RP1: variants seen among roughly 807,000 people sequenced by gnomAD.
RP1 encodes oxygen-regulated protein 1.
A neutral mutation model predicts 14.8 loss-of-function variants in RP1; 16 were observed. The ratio of observed to expected loss-of-function variants is 1.08; its 90% CI spans 0.73 to 1.65. The LOEUF (loss-of-function observed/expected upper bound fraction) is 1.65, where lower values mean the gene tolerates loss of function less well. Ranked by LOEUF, RP1 falls within the 40% of genes most tolerant of loss-of-function variation. RP1 has a pLI of 0.00. For missense variants in RP1, 2,631 were observed against 2,535.0 expected (o/e 1.04, Z -0.81); for synonymous variants, 876 against 883.6 (o/e 0.99, Z 0.15).
At chr8:54,568,625 C>T (rs908391578) in intron 1 of RP1, among the ~76,000 whole-genome samples, 4 of 152,228 alleles carry the variant, frequency 2.6e-5, no homozygotes, top group Non-Finnish European at 2.9e-5. Context: ...GACATTAAGA[C>T]GCTTGTGCTC....
intron 1 of RP1, among the ~76,000 whole-genome samples, chr8:54,562,158 C>T: frequency 6.6e-6 from 1 of 152,154 alleles, no homozygotes; most frequent in East Asian, 1.9e-4. Flanking sequence ...TGCTATTACT[C>T]AAATGATAAA....
At chr8:54,581,750 T>C (rs539983606) in intron 1 of RP1, among the ~76,000 whole-genome samples, 1 of 152,230 alleles carries the variant, frequency 6.6e-6, no homozygotes, top group Non-Finnish European at 1.5e-5. Flanking sequence ...ATTTCTCTGA[T>C]GGCCAGTGAT....
intron 24 of RP1, among the ~76,000 whole-genome samples, chr8:54,791,413 T>C (rs1360675776): frequency 2.6e-5 from 4 of 152,100 alleles, no homozygotes; most frequent in Non-Finnish European, 5.9e-5. Context: ...AAACTTGTTG[T>C]AAAAATAAAT....
At chr8:54,866,381 C>T (rs1172179338) in intron 28 of RP1, among the ~76,000 whole-genome samples, 1 of 152,018 alleles carries the variant, frequency 6.6e-6, no homozygotes, top group Non-Finnish European at 1.5e-5. Context: ...ACTAAAGTGG[C>T]GTAGATGTAA....
At chr8:54,819,820 C>G (rs1563386143) in intron 24 of RP1, among the ~76,000 whole-genome samples, 1 of 152,104 alleles carries the variant, frequency 6.6e-6, no homozygotes, top group African/African-American at 2.4e-5. Context: ...TCACTTTCCC[C>G]TAAACAGAAA....
chr8:54,827,418 C>T (rs1395682338), intron 24 of RP1, among the ~76,000 whole-genome samples: 1 of 151,950 alleles, frequency 6.6e-6, no homozygotes, highest in Non-Finnish European at 1.5e-5. Context: ...CCTCCACCTC[C>T]CAAGCTCAGG....
intron 1 of RP1, among the ~76,000 whole-genome samples, chr8:54,602,544 A>G (rs1304370336): frequency 6.6e-6 from 1 of 152,156 alleles, no homozygotes; most frequent in African/African-American, 2.4e-5. Context: ...TCCTTTGGGT[A>G]TATACCCAGT....
intron 1 of RP1, among the ~76,000 whole-genome samples, chr8:54,605,629 G>T (rs559818793): frequency 9.9e-5 from 15 of 152,284 alleles, no homozygotes; most frequent in African/African-American, 3.6e-4. Flanking sequence ...GTCTAATGCT[G>T]ACAGTGGGGT....
In RP1 at chr8:54,854,236, C is replaced by T. The variant is rs1812134327; in HGVS notation, c.3990+1508C>T. Among the ~76,000 whole-genome samples, 4 of 152,106 alleles carry T rather than the reference C, an allele frequency of 2.6e-5. No individual in the cohort carries two copies. In the South Asian group the frequency reaches 8.3e-4, roughly 32 times the overall value. On this transcript the variant is annotated intron_variant, in intron 26 of 28. Coordinates refer to the RP1 transcript ENST00000637698. ...GAAGAAAAACCAAGTGGAGGAATTA[C>T]AGTACCAGGTATCAAGACTTATGAA...
chr8:54,622,326 CCT>C, intron 3 of RP1, 38 bp downstream of exon 3: 2 of 1,606,048 alleles, frequency 1.2e-6, no homozygotes, highest in Non-Finnish European at 1.7e-6. Context: ...TATTTTTAGC[CCT>C]GAGATTTTTT....
intron 1 of RP1, among the ~76,000 whole-genome samples, chr8:54,618,060 C>G (rs1354744353): frequency 6.6e-6 from 1 of 152,208 alleles, no homozygotes; most frequent in African/African-American, 2.4e-5. Context: ...CAGAGATTCT[C>G]TCACACATAT....
chr8:54,602,880 G>A (rs1805325360), intron 1 of RP1, among the ~76,000 whole-genome samples: 1 of 152,072 alleles, frequency 6.6e-6, no homozygotes. Context: ...TTGTTGATGG[G>A]GTTGTTTGTT....
chr8:54,698,385 C>G (rs993743326), intron 12 of RP1, among the ~76,000 whole-genome samples: 14 of 152,140 alleles, frequency 9.2e-5, no homozygotes, highest in African/African-American at 3.4e-4. Context: ...TGTCAGGAAA[C>G]AACAGATACT....
chr8:54,719,824 C>G (rs1311982319), intron 15 of RP1, among the ~76,000 whole-genome samples: 2 of 152,116 alleles, frequency 1.3e-5, no homozygotes, highest in Non-Finnish European at 2.9e-5. Flanking sequence ...CTACATTCAC[C>G]CATAGAGGTG....
chr8:54,745,852 T>TTCATAG (rs1660770619), intron 19 of RP1, among the ~76,000 whole-genome samples: 1 of 152,176 alleles, frequency 6.6e-6, no homozygotes, highest in African/African-American at 2.4e-5. Flanking sequence ...TATCGACTCT[T>TTCATAG]TCATAGTACT....
intron 1 of RP1, among the ~76,000 whole-genome samples, chr8:54,586,397 G>A (rs1183709872): frequency 1.3e-5 from 2 of 152,248 alleles, no homozygotes; most frequent in Non-Finnish European, 2.9e-5. Context: ...TGAGGTGTCA[G>A]TCTGCCCCTA....
exon 21 of RP1, chr8:54,755,756 T>G: frequency 6.6e-7 from 1 of 1,525,798 alleles, no homozygotes; most frequent in Non-Finnish European, 8.8e-7. Flanking sequence ...GCAAGTAAAA[T>G]TTCAAAGAGG....
chr8:54,708,982 A>G (rs1808230563), intron 15 of RP1, among the ~76,000 whole-genome samples: 1 of 152,128 alleles, frequency 6.6e-6, no homozygotes, highest in African/African-American at 2.4e-5. Context: ...TGCCACAAAG[A>G]AACTATTGGC....
At chr8:54,696,575 T>A in intron 12 of RP1, 1 of 731,600 alleles carries the variant, frequency 1.4e-6, no homozygotes, top group Non-Finnish European at 2.4e-6. Flanking sequence ...ACATGACTCC[T>A]GGCAGCAGAA....
Sources: gnomAD v4.1 joint callset for allele counts (sites outside exome capture counted in the v4.1 genomes callset) on GRCh38, gnomAD v4.1.1 for gene constraint, MANE v1.5 for transcripts, NCBI Gene and HGNC (gene_info 2026-07-23, HGNC 2026-07-21) for gene names.